Variants in EXOC4 observed in about 807,000 individuals in gnomAD.
The protein encoded by EXOC4 is SEC8-like 1.
A neutral mutation model predicts 107.2 loss-of-function variants in EXOC4; 71 were observed. The observed-to-expected ratio is 0.66, with a 90% CI of 0.55 to 0.81. EXOC4 has a LOEUF of 0.81. Ranked by LOEUF, EXOC4 falls within the 30% of genes least tolerant of loss-of-function variation. The pLI is 0.00. For missense variants in EXOC4, 1,108 were observed against 1,189.6 expected (o/e 0.93, Z 1.01); for synonymous variants, 456 against 441.2 (o/e 1.03, Z -0.42).
At chr7:133,329,984 C>T (rs566722974) in intron 5 of EXOC4, among the ~76,000 whole-genome samples, 1 of 152,098 alleles carries the variant, frequency 6.6e-6, no homozygotes, top group African/African-American at 2.4e-5. Flanking sequence ...TCAGAGCCGT[C>T]AGGCAGGGAC....
At chr7:133,571,916 T>C (rs1412352539) in intron 9 of EXOC4, among the ~76,000 whole-genome samples, 1 of 152,194 alleles carries the variant, frequency 6.6e-6, no homozygotes, top group Non-Finnish European at 1.5e-5. Context: ...CCTCATGGCC[T>C]AATCACTTCC....
At chr7:133,471,710 C>T (rs1339813943) in intron 7 of EXOC4, among the ~76,000 whole-genome samples, 5 of 151,842 alleles carry the variant, frequency 3.3e-5, no homozygotes, top group Non-Finnish European at 5.9e-5. Context: ...CTTCTTTATG[C>T]TTTTTTTAAA....
chr7:133,354,289 C>T (rs1463780027), intron 5 of EXOC4, among the ~76,000 whole-genome samples: 6 of 151,984 alleles, frequency 3.9e-5, no homozygotes, highest in Non-Finnish European at 8.8e-5. Flanking sequence ...CCTCTTTTCC[C>T]GGGTTCTCTG....
At chr7:134,099,308 T>C in the EXOC4 span, among the ~76,000 whole-genome samples, 1 of 151,940 alleles carries the variant, frequency 6.6e-6, no homozygotes, top group African/African-American at 2.4e-5. Flanking sequence ...GCCTCATGCT[T>C]TGTCCCTGAA....
chr7:133,744,420 G>A (rs1795632666), intron 10 of EXOC4, among the ~76,000 whole-genome samples: 3 of 152,036 alleles, frequency 2.0e-5, no homozygotes, highest in African/African-American at 7.2e-5. Context: ...CTTTCATTAC[G>A]ATTTTTACTT....
intron 12 of EXOC4, among the ~76,000 whole-genome samples, chr7:133,898,580 C>T (rs1281743677): frequency 6.6e-6 from 1 of 151,830 alleles, no homozygotes; most frequent in African/African-American, 2.4e-5. Flanking sequence ...CCCGTCTCTA[C>T]TAAAAATACA....
In EXOC4 at chr7:134,007,849, C is replaced by T. The variant is rs984579847; in HGVS notation, c.2687+14C>T. On this transcript the variant is annotated intron_variant, in intron 17 of 17. Coordinates refer to ENST00000253861, the MANE Select transcript of EXOC4 (RefSeq NM_021807.4). ...GGACTTTGCAAGGTAGGAGGGAAAACTGGGTTTAGTTTCTTATGCCAAAGC... is the reference window on the plus strand; with the variant it reads ...GGACTTTGCAAGGTAGGAGGGAAAATTGGGTTTAGTTTCTTATGCCAAAGC... The T allele has an allele frequency of 1.0e-5, 16 of 1,605,084 alleles. No individual in the cohort carries two copies. The highest frequency in any genetic ancestry group is 1.1e-5 in the South Asian group (1 of 89,718).
chr7:133,558,236 C>CTTTTCTTTT (rs1800739963), intron 9 of EXOC4, among the ~76,000 whole-genome samples: 1 of 147,956 alleles, frequency 6.8e-6, no homozygotes, highest in African/African-American at 2.5e-5. Context: ...CTTTTCTTTT[C>CTTTTCTTTT]TTTTCTTTTC....
intron 9 of EXOC4, among the ~76,000 whole-genome samples, chr7:133,510,816 A>G (rs1374463188): frequency 1.3e-5 from 2 of 152,200 alleles, no homozygotes; most frequent in Non-Finnish European, 2.9e-5. Context: ...ATATCACACC[A>G]GAAGCTGTAG....
At chr7:133,731,732 G>A (rs989236518) in intron 10 of EXOC4, among the ~76,000 whole-genome samples, 8 of 151,976 alleles carry the variant, frequency 5.3e-5, no homozygotes, top group Admixed American at 3.9e-4. Context: ...ATAAAAGCTT[G>A]TTTTTTCAGC....
intron 10 of EXOC4, among the ~76,000 whole-genome samples, chr7:133,715,293 G>T (rs910991964): frequency 6.6e-6 from 1 of 152,248 alleles, no homozygotes; most frequent in East Asian, 1.9e-4. Flanking sequence ...GACTACAGTT[G>T]TGCCCAAATC....
intron 14 of EXOC4, among the ~76,000 whole-genome samples, chr7:133,944,960 CCCATTTTAAT>C (rs1303804924): frequency 2.0e-5 from 3 of 152,106 alleles, no homozygotes; most frequent in Non-Finnish European, 4.4e-5. Context: ...CTTATTTTAA[CCCATTTTAAT>C]TAAACTGTAA....
intron 9 of EXOC4, chr7:133,551,672 G>A (rs1800592171): frequency 6.6e-6 from 1 of 152,106 alleles, no homozygotes; most frequent in African/African-American, 2.4e-5. Context: ...CAAAGCATAT[G>A]GATCTCCATA....
intron 10 of EXOC4, among the ~76,000 whole-genome samples, chr7:133,634,169 A>G (rs1802653751): frequency 6.6e-6 from 1 of 152,132 alleles, no homozygotes; most frequent in Non-Finnish European, 1.5e-5. Flanking sequence ...AATTCTGGTA[A>G]TCTTGCTAAC....
intron 11 of EXOC4, among the ~76,000 whole-genome samples, chr7:133,827,582 C>T (rs1421847372): frequency 6.6e-6 from 1 of 152,272 alleles, no homozygotes; most frequent in African/African-American, 2.4e-5. Flanking sequence ...CTGCCACCAA[C>T]CTTACACATT....
At chr7:133,331,781 G>A (rs367928583) in intron 5 of EXOC4, among the ~76,000 whole-genome samples, 2 of 152,170 alleles carry the variant, frequency 1.3e-5, no homozygotes, top group African/African-American at 4.8e-5. Flanking sequence ...AATGCAGGAA[G>A]GTTGAGTGGT....
chr7:133,983,453 A>G (rs558317559), intron 14 of EXOC4, among the ~76,000 whole-genome samples: 1 of 152,342 alleles, frequency 6.6e-6, no homozygotes, highest in African/African-American at 2.4e-5. Context: ...CTTCCAATTC[A>G]ACTGCTTTAG....
At chr7:134,069,857 C>T (rs932237931), downstream of EXOC4, among the ~76,000 whole-genome samples, 1 of 152,154 alleles carries the variant, frequency 6.6e-6, no homozygotes, top group Admixed American at 6.5e-5. Flanking sequence ...AGGATTCTTA[C>T]TTTGGTGTGT....
chr7:134,008,489 T>C lies in EXOC4; in HGVS notation c.2687+654T>C, dbSNP rs536459316. Among the ~76,000 whole-genome samples the C allele has an allele frequency of 2.9e-4, 44 of 152,304 alleles. No homozygotes were observed. In the East Asian group the frequency reaches 8.1e-3, roughly 28 times the overall value. ...GAACATTTGAATTTTTCCCTTTTTT[T>C]CTCTCATTGTGAATAACATGTATCT... On this transcript the variant is annotated intron_variant, in intron 17 of 17. Coordinates refer to ENST00000253861, the MANE Select transcript of EXOC4 (RefSeq NM_021807.4).
Sources: allele counts gnomAD v4.1 joint callset (sites outside exome capture counted in the v4.1 genomes callset), GRCh38; gene constraint gnomAD v4.1.1; transcripts MANE v1.5; gene names NCBI Gene and HGNC (gene_info 2026-07-23, HGNC 2026-07-21).